Variants in NPAS3 observed in about 807,000 individuals in gnomAD.
The protein encoded by NPAS3 is neuronal PAS domain protein 3.
Under a neutral mutation model 73.1 loss-of-function variants are expected in NPAS3, and 14 were observed. The ratio of observed to expected loss-of-function variants is 0.19; its 90% CI spans 0.13 to 0.30. The LOEUF is 0.30. NPAS3 is among the 10% of genes least tolerant of loss of function. The pLI is 1.00. For missense variants in NPAS3, 1,096 were observed against 1,250.0 expected (o/e 0.88, Z 1.86); for synonymous variants, 620 against 541.5 (o/e 1.14, Z -2.01).
chr14:33,672,716 A>C (rs958051297), intron 5 of NPAS3, among the ~76,000 whole-genome samples: 1 of 144,496 alleles, frequency 6.9e-6, no homozygotes. Flanking sequence ...AAAAAAAAAA[A>C]TCAGACAAGG....
chr14:33,587,753 T>C (rs78043255), intron 5 of NPAS3, among the ~76,000 whole-genome samples: 2 of 152,212 alleles, frequency 1.3e-5, no homozygotes, highest in Non-Finnish European at 2.9e-5. Context: ...ATTTTATGAC[T>C]CATTTGGGTT....
At chr14:33,583,492 T>A (rs2139895499) in intron 5 of NPAS3, 1 of 152,310 alleles carries the variant, frequency 6.6e-6, no homozygotes, top group South Asian at 2.1e-4. Flanking sequence ...AAACGATATA[T>A]GTAATAATCC....
intron 4 of NPAS3, among the ~76,000 whole-genome samples, chr14:33,415,580 T>C (rs1301851322): frequency 6.6e-6 from 1 of 152,152 alleles, no homozygotes; most frequent in Admixed American, 6.6e-5. Flanking sequence ...AAATGTACCA[T>C]AGCATACTTG....
intron 5 of NPAS3, among the ~76,000 whole-genome samples, chr14:33,649,921 G>A (rs1399842236): frequency 6.6e-6 from 1 of 152,230 alleles, no homozygotes; most frequent in East Asian, 1.9e-4. Context: ...CCAGGGAAGA[G>A]GTCTTTAAAG....
intron 5 of NPAS3, among the ~76,000 whole-genome samples, chr14:33,669,905 GGTTTTTTGTTTGCTTTTGTTT>G (rs2059563111): frequency 6.6e-6 from 1 of 151,712 alleles, no homozygotes; most frequent in African/African-American, 2.4e-5. Flanking sequence ...TTTTTTTGGG[GGTTTTTTGTTTGCTTTTGTTT>G]GTTTTTGAGA....
At chr14:33,434,363 C>CA (rs2048899174) in intron 4 of NPAS3, among the ~76,000 whole-genome samples, 2 of 151,758 alleles carry the variant, frequency 1.3e-5, no homozygotes, top group East Asian at 1.9e-4. Flanking sequence ...CCCATCTCTA[C>CA]AAAAAATACA....
chr14:33,446,057 T>A (rs914481812), intron 4 of NPAS3, among the ~76,000 whole-genome samples: 1 of 152,082 alleles, frequency 6.6e-6, no homozygotes, highest in Non-Finnish European at 1.5e-5. Context: ...TTCAATTCTC[T>A]AATCTTCTGA....
chr14:33,758,079 CT>C (rs2062170132), intron 7 of NPAS3, among the ~76,000 whole-genome samples: 1 of 152,176 alleles, frequency 6.6e-6, no homozygotes, highest in African/African-American at 2.4e-5. Flanking sequence ...ATAATCCTTT[CT>C]TCAGAATTCT....
In NPAS3 at chr14:33,800,627, G is replaced by A. The variant is rs752349603; in HGVS notation, c.2320G>A (p.Gly774Arg). 2.2e-6 allele frequency: 3 copies of A among 1,378,884 alleles called. No homozygotes were observed. Among genetic ancestry groups the A allele is most frequent in the African/African-American group, 3.1e-5 (2 of 64,578 alleles). 85.4% of individuals were successfully genotyped at this position (1,378,884 alleles called of 1,614,324 possible). A position where few individuals can be genotyped will look rare whatever the true frequency, so the allele number is the denominator to read the frequency against. Residue 774 changes from glycine (G) to arginine (R), a missense_variant, in exon 12 of 12, where the codon GGG becomes AGG. Physicochemically the swap from Gly to Arg is moderately radical, Grantham distance 125. Around this residue, in one of 5 missense-constraint regions of NPAS3, gnomAD observed 698 missense variants for 676.7 expected, o/e 1.03. Coordinates refer to ENST00000356141, the Ensembl canonical transcript of NPAS3. The surrounding 1 kb of genome is among the most constrained non-coding windows in gnomAD (Gnocchi z 6.5). ...GGGCGGGGGCGGGGGCGGCGGCGCG[G>A]GGGGCGGCGGCCCCAGCGCGTCCAA...
At chr14:32,976,125 C>G (rs2037666864) in intron 1 of NPAS3, among the ~76,000 whole-genome samples, 1 of 152,054 alleles carries the variant, frequency 6.6e-6, no homozygotes, top group South Asian at 2.1e-4. Context: ...TTAAGTCGGG[C>G]AAGAGTGGAG....
chr14:33,450,276 C>T (rs778138187), intron 4 of NPAS3, among the ~76,000 whole-genome samples: 18 of 152,000 alleles, frequency 1.2e-4, no homozygotes, highest in Non-Finnish European at 2.4e-4. Context: ...CAGTAGGTGC[C>T]GTGTGGTAGG....
intron 3 of NPAS3, among the ~76,000 whole-genome samples, chr14:33,288,687 A>G (rs770619909): frequency 6.6e-6 from 1 of 151,936 alleles, no homozygotes; most frequent in Non-Finnish European, 1.5e-5. Flanking sequence ...GCGGGGGAAG[A>G]GTTTTTGGGG....
intron 1 of NPAS3, among the ~76,000 whole-genome samples, chr14:32,990,979 TG>T (rs113342559): frequency 0.17 from 25,290 of 151,704 alleles, 2,494 homozygotes; most frequent in African/African-American, 0.28. Context: ...TTAATCCATT[TG>T]TCAAAGTTTG....
intron 4 of NPAS3, among the ~76,000 whole-genome samples, chr14:33,397,912 GT>G (rs1488607951): frequency 6.6e-6 from 1 of 152,056 alleles, no homozygotes. Context: ...AGACACATAG[GT>G]CCTCTGGTTA....
At chr14:33,158,669 C>T (rs1343059245) in intron 2 of NPAS3, among the ~76,000 whole-genome samples, 2 of 152,002 alleles carry the variant, frequency 1.3e-5, no homozygotes, top group Non-Finnish European at 2.9e-5. Flanking sequence ...CAGTACATAA[C>T]AAAAGTCAGT....
chr14:33,638,411 T>C (rs1490238360), intron 5 of NPAS3, among the ~76,000 whole-genome samples: 1 of 152,216 alleles, frequency 6.6e-6, no homozygotes, highest in East Asian at 1.9e-4. Flanking sequence ...ACCCAGTTCT[T>C]CTACTTACTA....
intron 6 of NPAS3, among the ~76,000 whole-genome samples, chr14:33,709,070 A>G (rs144547881): frequency 1.6e-4 from 24 of 152,336 alleles, no homozygotes; most frequent in African/African-American, 5.8e-4. Flanking sequence ...TGTTACCCCC[A>G]TATATTTATT....
At chr14:33,181,288 A>G (rs181426627) in intron 2 of NPAS3, among the ~76,000 whole-genome samples, 2 of 152,314 alleles carry the variant, frequency 1.3e-5, no homozygotes, top group African/African-American at 4.8e-5. Context: ...AGGCAGAGTG[A>G]GGAGGTATTT....
intron 2 of NPAS3, among the ~76,000 whole-genome samples, chr14:33,130,359 A>G (rs947263377): frequency 6.6e-6 from 1 of 152,206 alleles, no homozygotes; most frequent in Non-Finnish European, 1.5e-5. Flanking sequence ...GAATTTGCCA[A>G]CACAAGTGAA....
Sources: gnomAD v4.1 joint callset for allele counts (sites outside exome capture counted in the v4.1 genomes callset) on GRCh38, gnomAD v4.1.1 for gene constraint, gnomAD v4.1.1 regional missense constraint, Gnocchi (gnomAD v3.1) non-coding constraint, MANE v1.5 for transcripts, NCBI Gene and HGNC (gene_info 2026-07-23, HGNC 2026-07-21) for gene names.